The following LMO1 variants were observed in gnomAD, a reference collection of about 807,000 sequenced individuals.
LMO1 encodes the protein LIM domain only 1.
Under a neutral mutation model 18.0 loss-of-function variants are expected in LMO1, and 10 were observed. The observed-to-expected ratio is 0.55, with a 90% CI of 0.34 to 0.94. The LOEUF (loss-of-function observed/expected upper bound fraction) is 0.94. LMO1 is among the 40% of genes least tolerant of loss of function. The pLI is 0.02. For missense variants in LMO1, 183 were observed against 205.7 expected, an observed-to-expected ratio of 0.89 and a Z score of 0.68; for synonymous variants, 77 against 77.9, an observed-to-expected ratio of 0.99 and a Z score of 0.06.
intron 1 of LMO1, among the ~76,000 whole-genome samples, chr11:8,260,880 G>T (rs1191461111): frequency 6.6e-6 from 1 of 152,146 alleles, no homozygotes; most frequent in East Asian, 1.9e-4. Flanking sequence ...CCCTTTGGGG[G>T]AGCCGGGGGG....
intron 1 of LMO1, among the ~76,000 whole-genome samples, chr11:8,244,299 G>C (rs1846857243): frequency 6.6e-6 from 1 of 152,200 alleles, no homozygotes; most frequent in African/African-American, 2.4e-5. Context: ...CCTGGGTAAG[G>C]CTCCTCTTAG....
intron 2 of LMO1, among the ~76,000 whole-genome samples, chr11:8,229,210 G>C (rs1952606017): frequency 6.6e-6 from 1 of 152,168 alleles, no homozygotes; most frequent in Admixed American, 6.5e-5. Flanking sequence ...CTTAACCCCT[G>C]CTTCTGGTCT....
chr11:8,263,792 T>A lies in LMO1; in HGVS notation c.-430A>T. The A allele has an allele frequency of 9.3e-7, 1 of 1,070,992 alleles. No homozygotes were observed. Among genetic ancestry groups the A allele is most frequent in the Non-Finnish European group, 1.1e-6 (1 of 883,808 alleles). 66.3% of individuals were successfully genotyped at this position (1,070,992 alleles called of 1,614,324 possible). ...CCTCATAAAGTGTTTTCCCCTCGGA[T>A]TTAATCTGAATCTCAATCTAAAATT... On this transcript the variant is annotated 5_prime_UTR_variant, in exon 1 of 4. Coordinates refer to ENST00000335790, the MANE Select transcript of LMO1 (RefSeq NM_002315.3).
intron 1 of LMO1, among the ~76,000 whole-genome samples, chr11:8,246,754 G>C (rs1280979421): frequency 2.0e-5 from 3 of 152,044 alleles, no homozygotes; most frequent in African/African-American, 7.2e-5. Flanking sequence ...TTTGAGAACA[G>C]GAGAAACCAG....
At chr11:8,240,147 G>A (rs1846759972) in intron 1 of LMO1, among the ~76,000 whole-genome samples, 1 of 152,086 alleles carries the variant, frequency 6.6e-6, no homozygotes, top group Admixed American at 6.5e-5. Context: ...ACCAAAAGAA[G>A]ACGGCTCTGA....
At chr11:8,247,270 C>T (rs1395214470) in intron 1 of LMO1, among the ~76,000 whole-genome samples, 1 of 152,126 alleles carries the variant, frequency 6.6e-6, no homozygotes, top group Admixed American at 6.5e-5. Flanking sequence ...AGTAAGGACT[C>T]CCCCAGGCAG....
chr11:8,240,555 G>C (rs898404000), intron 1 of LMO1, among the ~76,000 whole-genome samples: 1 of 152,130 alleles, frequency 6.6e-6, no homozygotes, highest in Admixed American at 6.5e-5. Context: ...GGAAATCCGA[G>C]AGCAAGGCAC....
At chr11:8,261,823 A>C (rs1847190674) in intron 1 of LMO1, among the ~76,000 whole-genome samples, 1 of 152,088 alleles carries the variant, frequency 6.6e-6, no homozygotes. Flanking sequence ...CCGATGGCCT[A>C]CATGGGGCTC....
At position 8,226,811 on chromosome 11, in the gene LMO1, A is replaced by G. The variant is rs747592499; in HGVS notation, c.365+164T>C. The stretch of plus-strand genomic sequence containing the variant: ...ATTTGGCTACCGAGCTTACACACAC[A>G]TAAAACACATAAAGCACATGCACGC... On this transcript the variant is annotated intron_variant, in intron 3 of 3. Transcript: ENST00000335790. 384 of 1,335,794 alleles carry G rather than the reference A, an allele frequency of 2.9e-4. 2 individuals are homozygous for G. The highest frequency in any genetic ancestry group is 6.0e-5 in the Non-Finnish European group (61 of 1,020,674). The allele number at this position is 1,335,794 out of a possible 1,614,324, so 82.7% of individuals were successfully genotyped here. A position where few individuals can be genotyped will look rare whatever the true frequency, so the allele number is the denominator to read the frequency against.
chr11:8,239,063 C>T (rs547683725), intron 1 of LMO1, among the ~76,000 whole-genome samples: 2 of 152,298 alleles, frequency 1.3e-5, no homozygotes, highest in Admixed American at 6.5e-5. Context: ...GATGAGAAGA[C>T]GGTGGCCTGG....
chr11:8,263,113 C>T (rs1847216069), intron 1 of LMO1, among the ~76,000 whole-genome samples: 2 of 151,432 alleles, frequency 1.3e-5, no homozygotes, highest in Admixed American at 1.3e-4. Flanking sequence ...GGCGTGCGGC[C>T]CCGGGCGCGT....
At chr11:8,226,316 GA>G (rs1419954982) in intron 3 of LMO1, among the ~76,000 whole-genome samples, 2 of 151,272 alleles carry the variant, frequency 1.3e-5, no homozygotes, top group Non-Finnish European at 2.9e-5. Context: ...CCAACATGGT[GA>G]AACCCCGTCT....
intron 1 of LMO1, among the ~76,000 whole-genome samples, chr11:8,247,276 G>A (rs769867584): frequency 1.3e-5 from 2 of 152,214 alleles, no homozygotes; most frequent in Non-Finnish European, 2.9e-5. Flanking sequence ...GACTCCCCCA[G>A]GCAGGGTTGG....
chr11:8,258,862 C>T (rs1257355075), intron 1 of LMO1, among the ~76,000 whole-genome samples: 2 of 152,240 alleles, frequency 1.3e-5, no homozygotes, highest in Non-Finnish European at 2.9e-5. Context: ...CATGCCAGCA[C>T]TGAGCCCCGG....
chr11:8,264,701 G>C (rs972735305), upstream of LMO1, among the ~76,000 whole-genome samples: 1 of 151,432 alleles, frequency 6.6e-6, no homozygotes, highest in Non-Finnish European at 1.5e-5. Context: ...GTGTGATCTC[G>C]GCTCACTGCA....
chr11:8,234,493 A>G (rs1952726915), intron 1 of LMO1, among the ~76,000 whole-genome samples: 1 of 152,138 alleles, frequency 6.6e-6, no homozygotes, highest in Non-Finnish European at 1.5e-5. Context: ...CAAACTGCCA[A>G]GCCCACAGGC....
chr11:8,224,426 C>A lies in LMO1; in HGVS notation c.*190G>T. 1.8e-6 allele frequency: 1 copy of A among 565,242 alleles called. No individual in the cohort carries two copies. The highest frequency in any genetic ancestry group is 2.2e-5 in the South Asian group (1 of 44,916). The allele number at this position is 565,242 out of a possible 1,614,324, so 35.0% of individuals were successfully genotyped here. ...AGACTGTACAGGCCCGGCCTGGCCC[C>A]AGGAGGGGTCACACACAGACGGGCG... On this transcript the variant is annotated 3_prime_UTR_variant, in exon 4 of 4. Transcript: ENST00000335790.
At chr11:8,268,422 C>T (rs1022738301), upstream of LMO1, 10 of 1,470,046 alleles carry the variant, frequency 6.8e-6, no homozygotes, top group African/African-American at 1.5e-4. Context: ...GCGCCGGGCA[C>T]CTACCGTCCT....
chr11:8,225,466 G>A (rs991637443), intron 3 of LMO1, among the ~76,000 whole-genome samples: 2 of 148,768 alleles, frequency 1.3e-5, no homozygotes, highest in African/African-American at 2.5e-5. Flanking sequence ...GGATAAAATG[G>A]TTGTTTTTTC....
Sources: gnomAD v4.1 joint callset for allele counts (sites outside exome capture counted in the v4.1 genomes callset) on GRCh38, gnomAD v4.1.1 for gene constraint, MANE v1.5 for transcripts, NCBI Gene and HGNC (gene_info 2026-07-23, HGNC 2026-07-21) for gene names.